CCNYL1: variants seen among roughly 807,000 people sequenced by gnomAD.
The protein encoded by CCNYL1 is cyclin Y like 1, also known as cyclin-Y-like protein 1.
A neutral mutation model predicts 44.2 loss-of-function variants in CCNYL1; 16 were observed. The observed-to-expected ratio is 0.36, with a 90% CI of 0.25 to 0.55. CCNYL1 has a LOEUF of 0.55. Ranked by LOEUF, CCNYL1 falls within the 20% of genes least tolerant of loss-of-function variation. CCNYL1 has a pLI of 0.85. For synonymous variants in CCNYL1, 159 were observed against 163.2 expected (o/e 0.97, Z 0.20); for missense variants, 348 against 451.8 (o/e 0.77, Z 2.08).
At chr2:207,746,404 G>A (rs376312448) in intron 7 of CCNYL1, among the ~76,000 whole-genome samples, 3 of 152,204 alleles carry the variant, frequency 2.0e-5, no homozygotes, top group African/African-American at 7.2e-5. Context: ...ATGATACATT[G>A]TACCTGGTAG....
intron 2 of CCNYL1, among the ~76,000 whole-genome samples, chr2:207,725,228 G>T (rs2551955): frequency 0.16 from 23,515 of 150,036 alleles, 3,020 homozygotes; most frequent in East Asian, 0.39. Flanking sequence ...CCACGTTCAA[G>T]CAATTCTCCT....
At chr2:207,717,829 G>T (rs918787890) in intron 1 of CCNYL1, among the ~76,000 whole-genome samples, 2 of 152,122 alleles carry the variant, frequency 1.3e-5, no homozygotes, top group African/African-American at 4.8e-5. Context: ...GTGTATAGTG[G>T]GCCTTGGCAA....
At chr2:207,749,788 T>A (rs1054148674) in intron 8 of CCNYL1, among the ~76,000 whole-genome samples, 4 of 152,214 alleles carry the variant, frequency 2.6e-5, no homozygotes, top group African/African-American at 9.6e-5. Flanking sequence ...GTTTTTAAGC[T>A]CAGCAAATGA....
chr2:207,737,040 T>C (rs1037512593), intron 4 of CCNYL1, among the ~76,000 whole-genome samples: 3 of 152,056 alleles, frequency 2.0e-5, no homozygotes, highest in Middle Eastern at 3.4e-3. Context: ...CTCAGCCTCC[T>C]GAGTAGCTGG....
At chr2:207,748,301 T>C (rs1258960930) in intron 8 of CCNYL1, among the ~76,000 whole-genome samples, 1 of 152,184 alleles carries the variant, frequency 6.6e-6, no homozygotes, top group East Asian at 1.9e-4. Context: ...AGAGGCTCCC[T>C]GGGCACTCGG....
chr2:207,739,325 C>T (rs574238596), intron 5 of CCNYL1, among the ~76,000 whole-genome samples: 2 of 152,152 alleles, frequency 1.3e-5, no homozygotes, highest in South Asian at 2.1e-4. Flanking sequence ...CTCTGCCTTC[C>T]GGGTTCAAGT....
intron 7 of CCNYL1, among the ~76,000 whole-genome samples, chr2:207,745,872 C>G (rs2091851453): frequency 6.6e-6 from 1 of 152,126 alleles, no homozygotes; most frequent in South Asian, 2.1e-4. Context: ...ACCCAGGGGG[C>G]AGAGGTTGCA....
intron 1 of CCNYL1, among the ~76,000 whole-genome samples, chr2:207,716,982 G>A (rs1222063730): frequency 2.6e-5 from 4 of 151,930 alleles, no homozygotes; most frequent in Non-Finnish European, 4.4e-5. Context: ...GGTGGCGGGC[G>A]CCTGTAGTCC....
chr2:207,717,128 G>A (rs1490702602), intron 1 of CCNYL1, among the ~76,000 whole-genome samples: 3 of 147,504 alleles, frequency 2.0e-5, no homozygotes, highest in Middle Eastern at 3.5e-3. Context: ...AAAAAAAAAA[G>A]TTCTTATGTC....
intron 3 of CCNYL1, among the ~76,000 whole-genome samples, chr2:207,729,250 G>GCCCCCCCCCGCCCCCACCCC (rs2091703832): frequency 1.5e-5 from 1 of 68,188 alleles, no homozygotes; most frequent in Non-Finnish European, 2.5e-5. Context: ...ACTTGTCTCC[G>GCCCCCCCCCGCCCCCACCCC]CCCCCCCCCG....
chr2:207,714,571 G>T (rs1343034609), intron 1 of CCNYL1: 2 of 257,482 alleles, frequency 7.8e-6, no homozygotes, highest in Non-Finnish European at 1.5e-5. Flanking sequence ...TAAAGAGTTT[G>T]TTCTGGTAAC....
At chr2:207,714,288 G>T (rs977369822) in intron 1 of CCNYL1, 16 of 395,308 alleles carry the variant, frequency 4.0e-5, no homozygotes, top group South Asian at 3.0e-4. Flanking sequence ...TATTTTACAC[G>T]ATTCAGAGGC....
At chr2:207,743,398 T>G (rs971285019) in intron 7 of CCNYL1, among the ~76,000 whole-genome samples, 13 of 152,116 alleles carry the variant, frequency 8.5e-5, no homozygotes, top group Admixed American at 8.5e-4. Context: ...AATCTGAGCT[T>G]AGAGGTAAGG....
intron 4 of CCNYL1, among the ~76,000 whole-genome samples, chr2:207,736,728 T>A (rs574966081): frequency 1.1e-4 from 17 of 152,226 alleles, no homozygotes; most frequent in African/African-American, 3.9e-4. Context: ...ATGCAGAGCC[T>A]AACAGCTTAA....
rs774824158 is a variant in CCNYL1, at chr2:207,740,667, A to G, written c.480A>G (p.Arg160=). The change falls in exon 6 of 10, where the codon AGA becomes AGG. Residue 160 remains arginine (R), a synonymous_variant. Transcript: ENST00000295414. ...TCTTATTTTATAGAGATGCAAATAG[A>G]TCCCTGGATATTTTTGATGAGAGAT... ...YYHIKNRDAN[R]SLDIFDERSH... 2.0e-5 allele frequency: 32 copies of G among 1,598,198 alleles called. No homozygotes were observed. The highest frequency in any genetic ancestry group is 2.5e-5 in the Non-Finnish European group (29 of 1,166,666).
rs1386745283 is a variant in CCNYL1, at chr2:207,753,894, T to C, written c.*196T>C. 4 of 484,100 alleles carry C rather than the reference T, an allele frequency of 8.3e-6. No homozygotes were observed. Among genetic ancestry groups the C allele is most frequent in the Non-Finnish European group, 1.1e-5 (3 of 272,406 alleles). The allele number at this position is 484,100 out of a possible 1,614,324, so 30.0% of individuals were successfully genotyped here. Reference sequence around the variant, plus strand: ...ACCTTGTCAATGCAACAAAACACTCTTCTGTCCTTTTTAATGTAAACAGAG... The same window carrying C: ...ACCTTGTCAATGCAACAAAACACTCCTCTGTCCTTTTTAATGTAAACAGAG... On this transcript the variant is annotated 3_prime_UTR_variant, in exon 10 of 10. Coordinates refer to ENST00000295414, the MANE Select transcript of CCNYL1 (RefSeq NM_001330218.2).
At chr2:207,722,317 C>G (rs1312137695) in intron 1 of CCNYL1, among the ~76,000 whole-genome samples, 1 of 152,022 alleles carries the variant, frequency 6.6e-6, no homozygotes, top group Admixed American at 6.6e-5. Flanking sequence ...TCATGATCTG[C>G]CAGCCTCAGC....
intron 5 of CCNYL1, among the ~76,000 whole-genome samples, chr2:207,739,098 T>C (rs2091788566): frequency 6.6e-6 from 1 of 152,212 alleles, no homozygotes; most frequent in Non-Finnish European, 1.5e-5. Flanking sequence ...CTTTAAGTAT[T>C]GAGAAGCTGT....
At chr2:207,726,413 G>C (rs1398634675) in intron 2 of CCNYL1, among the ~76,000 whole-genome samples, 1 of 152,230 alleles carries the variant, frequency 6.6e-6, no homozygotes, top group Non-Finnish European at 1.5e-5. Context: ...GGTGCAGCTA[G>C]AGATTGGCAC....
Sources: gnomAD v4.1 joint callset for allele counts (sites outside exome capture counted in the v4.1 genomes callset) on GRCh38, gnomAD v4.1.1 for gene constraint, MANE v1.5 for transcripts, NCBI Gene and HGNC (gene_info 2026-07-23, HGNC 2026-07-21) for gene names.